GHR: variants seen among roughly 807,000 people sequenced by gnomAD.
GHR encodes GH receptor.
In GHR, 35 loss-of-function variants were observed where a neutral mutation model predicts 67.1. The ratio of observed to expected loss-of-function variants is 0.52; its 90% CI spans 0.40 to 0.69. GHR has a LOEUF of 0.69. Among genes scored for constraint, GHR ranks in the 30% least tolerant of loss-of-function variants. The pLI, the probability that GHR is intolerant of heterozygous loss-of-function variation, is 0.00. For synonymous variants in GHR, 272 were observed against 269.1 expected, an observed-to-expected ratio of 1.01 and a Z score of -0.10; for missense variants, 792 against 764.6, an observed-to-expected ratio of 1.04 and a Z score of -0.42.
At chr5:42,579,128 TAGATA>T (rs1318685284) in intron 2 of GHR, among the ~76,000 whole-genome samples, 1 of 83,626 alleles carries the variant, frequency 1.2e-5, no homozygotes, top group African/African-American at 5.6e-5. Flanking sequence ...GATAGATAGA[TAGATA>T]GATAGATGAT....
chr5:42,468,118 C>T (rs373907467), intron 1 of GHR: 3 of 1,200,796 alleles, frequency 2.5e-6, no homozygotes, highest in East Asian at 4.7e-5. Flanking sequence ...ACTGAAGGTT[C>T]TTGGTTTCAG....
At chr5:42,574,988 C>T (rs536009370) in intron 2 of GHR, among the ~76,000 whole-genome samples, 12 of 152,282 alleles carry the variant, frequency 7.9e-5, no homozygotes, top group African/African-American at 2.4e-4. Context: ...TGATTTATTT[C>T]TACAGTTGGT....
At chr5:42,594,122 A>G (rs567009491) in intron 2 of GHR, among the ~76,000 whole-genome samples, 5 of 152,308 alleles carry the variant, frequency 3.3e-5, no homozygotes, top group African/African-American at 9.6e-5. Context: ...CAATGTACTC[A>G]TGAAAATATC....
chr5:42,521,130 C>T (rs987422589), intron 1 of GHR, among the ~76,000 whole-genome samples: 13 of 152,274 alleles, frequency 8.5e-5, no homozygotes, highest in Admixed American at 3.9e-4. Context: ...GAATGATCAG[C>T]TGGATGCGTA....
At chr5:42,497,282 T>G (rs1746360752) in intron 1 of GHR, among the ~76,000 whole-genome samples, 1 of 152,200 alleles carries the variant, frequency 6.6e-6, no homozygotes, top group Non-Finnish European at 1.5e-5. Flanking sequence ...ACAGTTTACA[T>G]TAATCCTGGA....
chr5:42,617,702 G>A (rs1163136614), intron 2 of GHR, among the ~76,000 whole-genome samples: 1 of 152,092 alleles, frequency 6.6e-6, no homozygotes, highest in African/African-American at 2.4e-5. Flanking sequence ...AAGCATATGG[G>A]GCAGGTTGCC....
In GHR at chr5:42,424,529, C is replaced by T. The variant is rs1404700485; in HGVS notation, c.-12+574C>T. ...CGGTCTTTTGCGCGTTTGTGCGGGC[C>T]GCAGCCGCACGTTGGCACCGATGGA... On this transcript the variant is annotated intron_variant, in intron 1 of 9. Transcript: ENST00000230882. This position sits in a 1 kb window ranked among gnomAD's most constrained non-coding sequence, Gnocchi z 4.1. The T allele has an allele frequency of 3.4e-6, 5 of 1,492,368 alleles. No homozygotes were observed. The highest frequency in any genetic ancestry group is 4.9e-5 in the East Asian group (2 of 40,626). 92.4% of individuals were successfully genotyped at this position (1,492,368 alleles called of 1,614,324 possible).
intron 1 of GHR, among the ~76,000 whole-genome samples, chr5:42,527,110 A>T (rs1273219138): frequency 6.6e-6 from 1 of 152,210 alleles, no homozygotes; most frequent in East Asian, 1.9e-4. Flanking sequence ...GACAGCTACC[A>T]TCTAATACTA....
At chr5:42,505,417 C>T (rs540002849) in intron 1 of GHR, among the ~76,000 whole-genome samples, 3 of 150,464 alleles carry the variant, frequency 2.0e-5, no homozygotes, top group African/African-American at 7.3e-5. Context: ...TTTTTGAGCA[C>T]GTACACAATG....
chr5:42,443,964 T>G (rs970432301), intron 1 of GHR, among the ~76,000 whole-genome samples: 2 of 149,244 alleles, frequency 1.3e-5, no homozygotes, highest in East Asian at 3.9e-4. Flanking sequence ...TATAGATAGA[T>G]ATAGATATAG....
chr5:42,455,370 T>A (rs1269206492), intron 1 of GHR, among the ~76,000 whole-genome samples: 8 of 152,142 alleles, frequency 5.3e-5, no homozygotes. Context: ...CACTGTTCTG[T>A]CCATCCAAGC....
intron 1 of GHR, among the ~76,000 whole-genome samples, chr5:42,456,330 A>T (rs1317724712): frequency 6.6e-6 from 1 of 152,170 alleles, no homozygotes; most frequent in African/African-American, 2.4e-5. Context: ...AATAAATAAA[A>T]ATTAAAATTA....
intron 3 of GHR, among the ~76,000 whole-genome samples, chr5:42,636,209 C>CAA (rs11373491): frequency 0.057 from 4,621 of 81,430 alleles, 284 homozygotes; most frequent in African/African-American, 0.13. Context: ...GACCCCGTTT[C>CAA]AAAAAAAAAA....
At chr5:42,546,164 G>A (rs1005310815) in intron 1 of GHR, among the ~76,000 whole-genome samples, 1 of 152,166 alleles carries the variant, frequency 6.6e-6, no homozygotes, top group African/African-American at 2.4e-5. Flanking sequence ...CAAGTGTTGT[G>A]TGATTACTTT....
intron 1 of GHR, among the ~76,000 whole-genome samples, chr5:42,460,743 T>C (rs1308844731): frequency 1.3e-5 from 2 of 152,174 alleles, no homozygotes; most frequent in Non-Finnish European, 2.9e-5. Context: ...GGTAGCTTAA[T>C]AGGAAATCTA....
At chr5:42,658,736 G>C (rs1755397520) in intron 3 of GHR, among the ~76,000 whole-genome samples, 1 of 152,118 alleles carries the variant, frequency 6.6e-6, no homozygotes, top group African/African-American at 2.4e-5. Flanking sequence ...CTAGTAGGTA[G>C]AGAGTAGGAA....
chr5:42,620,189 A>T (rs1219841929), intron 2 of GHR, among the ~76,000 whole-genome samples: 1 of 152,138 alleles, frequency 6.6e-6, no homozygotes, highest in Non-Finnish European at 1.5e-5. Context: ...TTGTTATAGG[A>T]TCTGATGATG....
At position 42,678,979 on chromosome 5, in the gene GHR, TTAA is replaced by T. The variant is rs1030714478; in HGVS notation, c.137-9905_137-9903del. ...GTTTAAATGTAAATATATATTTATA[TTAA>T]TAATATAATTAATATGAATTAATAA... On this transcript the variant is annotated intron_variant, in intron 3 of 9. Transcript: ENST00000230882. Among the ~76,000 whole-genome samples the T allele has an allele frequency of 2.1e-3, 305 of 146,982 alleles. 1 individual carries two copies. Among genetic ancestry groups the T allele is most frequent in the African/African-American group, 7.2e-3 (292 of 40,546 alleles).
At chr5:42,592,620 T>G (rs1013636832) in intron 2 of GHR, among the ~76,000 whole-genome samples, 22 of 152,358 alleles carry the variant, frequency 1.4e-4, no homozygotes, top group African/African-American at 4.6e-4. Flanking sequence ...TGCATAGTAT[T>G]CCATGGTGTA....
Sources: gnomAD v4.1 joint callset for allele counts (sites outside exome capture counted in the v4.1 genomes callset) on GRCh38, gnomAD v4.1.1 for gene constraint, Gnocchi (gnomAD v3.1) non-coding constraint, MANE v1.5 for transcripts, NCBI Gene and HGNC (gene_info 2026-07-23, HGNC 2026-07-21) for gene names.